IQGAP2: variants seen among roughly 807,000 people sequenced by gnomAD.
IQGAP2 encodes the protein IQ motif containing GTPase activating protein 2, also known as ras GTPase-activating-like protein IQGAP2.
In IQGAP2, 173 loss-of-function variants were observed where a neutral mutation model predicts 201.3. That is an observed-to-expected ratio of 0.86 (90% CI 0.76 to 0.98). The LOEUF (loss-of-function observed/expected upper bound fraction) is 0.98, where lower values mean the gene tolerates loss of function less well. IQGAP2 is among the 50% of genes least tolerant of loss of function. The pLI, the probability that IQGAP2 is intolerant of heterozygous loss-of-function variation, is 0.00. For missense variants in IQGAP2, 1,687 were observed against 1,864.8 expected (o/e 0.90, Z 1.76); for synonymous variants, 675 against 673.9 (o/e 1.00, Z -0.03).
intron 18 of IQGAP2, among the ~76,000 whole-genome samples, chr5:76,653,481 G>C (rs562493764): frequency 1.3e-3 from 197 of 152,284 alleles, no homozygotes; most frequent in Non-Finnish European, 2.2e-3. Context: ...TTCAGGCCAG[G>C]CTTAGTGGCT....
rs370668847 is a variant in IQGAP2, at chr5:76,672,010, T to C, written c.3068+27T>C. On this transcript the variant is annotated intron_variant, in intron 24 of 35. Transcript: ENST00000274364. Reference sequence around the variant, plus strand: ...TAATAGAATCAGGAAGGTGTTGGTCTTCTGTTATGTTTTATGATATTTTTA... The same window carrying C: ...TAATAGAATCAGGAAGGTGTTGGTCCTCTGTTATGTTTTATGATATTTTTA... The C allele has an allele frequency of 6.6e-6, 10 of 1,510,806 alleles. No individual in the cohort carries two copies. In the African/African-American group the frequency reaches 1.4e-4, roughly 21 times the overall value. 93.6% of individuals were successfully genotyped at this position (1,510,806 alleles called of 1,614,324 possible).
intron 2 of IQGAP2, among the ~76,000 whole-genome samples, chr5:76,549,383 A>G (rs72777503): frequency 0.15 from 22,648 of 151,428 alleles, 1,854 homozygotes; most frequent in Admixed American, 0.27. Flanking sequence ...CTCAAGACAG[A>G]TAAGGTCCTT....
intron 21 of IQGAP2, among the ~76,000 whole-genome samples, chr5:76,658,923 A>T (rs543084815): frequency 6.6e-6 from 1 of 152,304 alleles, no homozygotes; most frequent in African/African-American, 2.4e-5. Flanking sequence ...ACTGCAGGCA[A>T]TTGTAACACA....
Position 76,617,923 on chromosome 5 carries a change from A to C in IQGAP2, c.1521+6740A>C, listed in dbSNP as rs1396734817. On this transcript the variant is annotated intron_variant, in intron 13 of 35. Coordinates refer to ENST00000274364, the MANE Select transcript of IQGAP2 (RefSeq NM_006633.5). The stretch of plus-strand genomic sequence containing the variant: ...CCAAAGAATGCCAAGGAGATGAAGT[A>C]ATAGAGTTGGAAGGGAGATGAGGAC... 1.2e-6 allele frequency: 2 copies of C among 1,614,132 alleles called. No homozygotes were observed. Among genetic ancestry groups the C allele is most frequent in the Non-Finnish European group, 8.5e-7 (1 of 1,180,016 alleles).
chr5:76,612,673 C>G (rs1748507704), intron 13 of IQGAP2, among the ~76,000 whole-genome samples: 1 of 140,352 alleles, frequency 7.1e-6, no homozygotes, highest in Non-Finnish European at 1.6e-5. Context: ...GAAAAACAAC[C>G]TAAATGTTGT....
At chr5:76,626,270 C>CTTTTCTT (rs1750221451) in intron 13 of IQGAP2, among the ~76,000 whole-genome samples, 1 of 83,654 alleles carries the variant, frequency 1.2e-5, no homozygotes, top group African/African-American at 5.0e-5. Context: ...TTCTTCTTTT[C>CTTTTCTT]TTTTTTTTTT....
At chr5:76,566,954 G>A (rs1235997719) in intron 3 of IQGAP2, among the ~76,000 whole-genome samples, 2 of 151,962 alleles carry the variant, frequency 1.3e-5, no homozygotes, top group Non-Finnish European at 2.9e-5. Flanking sequence ...GGGGCAGGCA[G>A]GAGAAAGAGG....
In IQGAP2 at chr5:76,606,245, G is replaced by C; in HGVS notation, c.1299G>C (p.Trp433Cys). The C allele has an allele frequency of 6.2e-7, 1 of 1,605,244 alleles. No homozygotes were observed. Residue 433 changes from tryptophan (W) to cysteine (C), a missense_variant, in exon 12 of 36, where the codon TGG becomes TGC. Physicochemically the swap from Trp to Cys is radical, Grantham distance 215. Coordinates refer to ENST00000274364, the MANE Select transcript of IQGAP2 (RefSeq NM_006633.5). The stretch of plus-strand genomic sequence containing the variant: ...CCCAAGGGCAAGATAACTTAAGCTG[G>C]AATGAAATTCAGAATTGTATTGATA... Reference protein sequence around the residue: ...VLSQGQDNLSWNEIQNCIDMV... With the variant: ...VLSQGQDNLSCNEIQNCIDMV...
intron 1 of IQGAP2, among the ~76,000 whole-genome samples, chr5:76,412,311 A>T (rs1751171003): frequency 6.6e-6 from 1 of 152,160 alleles, no homozygotes; most frequent in South Asian, 2.1e-4. Flanking sequence ...TAATTTTTTT[A>T]AAAATTAGGG....
chr5:76,485,952 C>G (rs914795511), intron 2 of IQGAP2, among the ~76,000 whole-genome samples: 4 of 152,164 alleles, frequency 2.6e-5, no homozygotes, highest in Non-Finnish European at 4.4e-5. Flanking sequence ...ATGACTTCCT[C>G]AGCACATACA....
At chr5:76,540,019 T>C (rs554511482) in intron 2 of IQGAP2, among the ~76,000 whole-genome samples, 34 of 152,168 alleles carry the variant, frequency 2.2e-4, no homozygotes, top group Non-Finnish European at 4.7e-4. Context: ...TGGAAAGGTA[T>C]GGTAGGGGTC....
intron 15 of IQGAP2, among the ~76,000 whole-genome samples, chr5:76,632,698 G>A (rs1276066585): frequency 6.6e-6 from 1 of 152,054 alleles, no homozygotes; most frequent in African/African-American, 2.4e-5. Flanking sequence ...GGATCAAGGT[G>A]GCTGTCAACT....
chr5:76,576,579 C>T (rs921943590), intron 5 of IQGAP2, among the ~76,000 whole-genome samples: 1 of 152,216 alleles, frequency 6.6e-6, no homozygotes, highest in Non-Finnish European at 1.5e-5. Context: ...ATTTTCCTGG[C>T]AGAGTACTCT....
At chr5:76,699,502 A>G (rs1747067913) in intron 33 of IQGAP2, 1 of 152,222 alleles carries the variant, frequency 6.6e-6, no homozygotes, top group Non-Finnish European at 1.5e-5. Flanking sequence ...GATTGCTGAA[A>G]TCACAGAAGA....
chr5:76,635,768 G>T (rs894743336), intron 15 of IQGAP2, among the ~76,000 whole-genome samples: 1 of 127,328 alleles, frequency 7.9e-6, no homozygotes, highest in African/African-American at 2.9e-5. Flanking sequence ...GGTTGAGGCT[G>T]CAGTGAGCCT....
chr5:76,551,856 C>A (rs1038403637), intron 2 of IQGAP2, among the ~76,000 whole-genome samples: 2 of 83,732 alleles, frequency 2.4e-5, no homozygotes, highest in South Asian at 8.9e-4. Context: ...AAGAGGGAGA[C>A]GGGAGAGGGA....
At chr5:76,631,810 G>A (rs3797410) in intron 14 of IQGAP2, 49 bp from the exon 15 acceptor site, 309,426 of 1,362,226 alleles carry the variant, frequency 0.23, 37,417 homozygotes, top group East Asian at 0.25. Context: ...ATGCCTTGAA[G>A]TAAGTGGAAG....
intron 6 of IQGAP2, among the ~76,000 whole-genome samples, chr5:76,589,273 C>G (rs1349448985): frequency 6.9e-6 from 1 of 145,082 alleles, no homozygotes; most frequent in East Asian, 2.0e-4. Context: ...GATTGTGCCA[C>G]TGCACTCCAG....
chr5:76,700,198 T>C (rs946944917), intron 33 of IQGAP2, among the ~76,000 whole-genome samples: 13 of 152,214 alleles, frequency 8.5e-5, no homozygotes, highest in African/African-American at 2.6e-4. Flanking sequence ...GTCGGGCGAA[T>C]TGGATTTGGG....
Sources: gnomAD v4.1 joint callset for allele counts (sites outside exome capture counted in the v4.1 genomes callset) on GRCh38, gnomAD v4.1.1 for gene constraint, MANE v1.5 for transcripts, NCBI Gene and HGNC (gene_info 2026-07-23, HGNC 2026-07-21) for gene names.